MED12L: variants seen among roughly 807,000 people sequenced by gnomAD.
The protein encoded by MED12L is mediator of RNA polymerase II transcription subunit 12-like protein.
A neutral mutation model predicts 281.3 loss-of-function variants in MED12L; 60 were observed. The ratio of observed to expected loss-of-function variants is 0.21; its 90% CI spans 0.17 to 0.26. The LOEUF (loss-of-function observed/expected upper bound fraction) is 0.26. Among genes scored for constraint, MED12L ranks in the 10% least tolerant of loss-of-function variants. The probability of loss-of-function intolerance (pLI) is 1.00; values close to 1 mark genes in which losing one functional copy is unlikely to be tolerated. For missense variants in MED12L, 2,146 were observed against 2,680.9 expected, an observed-to-expected ratio of 0.80 and a Z score of 4.41; for synonymous variants, 974 against 987.2, an observed-to-expected ratio of 0.99 and a Z score of 0.25.
At chr3:151,151,610 A>G (rs1301414839) in intron 5 of MED12L, among the ~76,000 whole-genome samples, 2 of 148,746 alleles carry the variant, frequency 1.3e-5, no homozygotes, top group South Asian at 2.2e-4. Context: ...GAAGAGAGAT[A>G]TGGGACAGAG....
intron 43 of MED12L, among the ~76,000 whole-genome samples, chr3:151,425,166 A>ACT (rs1718737345): frequency 1.3e-5 from 2 of 152,362 alleles, no homozygotes; most frequent in African/African-American, 4.8e-5. Context: ...GAGCATCGGT[A>ACT]GGTCCATTAC....
At chr3:151,201,959 G>T (rs186761343) in intron 16 of MED12L, among the ~76,000 whole-genome samples, 4 of 152,188 alleles carry the variant, frequency 2.6e-5, no homozygotes, top group African/African-American at 9.7e-5. Context: ...TCAATGAGAC[G>T]TATATGGTAA....
At chr3:151,380,647 G>A (rs1293709600) in intron 32 of MED12L, among the ~76,000 whole-genome samples, 17 of 149,964 alleles carry the variant, frequency 1.1e-4, no homozygotes, top group Non-Finnish European at 2.5e-4. Context: ...GTTTTGAGTA[G>A]ACGCTGAGAA....
At chr3:151,118,648 C>CTTT (rs67417533) in intron 3 of MED12L, among the ~76,000 whole-genome samples, 12 of 137,452 alleles carry the variant, frequency 8.7e-5, no homozygotes, top group East Asian at 4.3e-4. Flanking sequence ...ATCTCCAGAA[C>CTTT]TTTTTTTTTT....
At chr3:151,346,530 G>A (rs138396570) in intron 16 of MED12L, among the ~76,000 whole-genome samples, 89 of 152,162 alleles carry the variant, frequency 5.8e-4, no homozygotes, top group African/African-American at 1.9e-3. Context: ...GTTCACACAT[G>A]GTTTGTCAGT....
intron 16 of MED12L, among the ~76,000 whole-genome samples, chr3:151,240,757 C>A (rs1733913143): frequency 6.6e-6 from 1 of 152,230 alleles, no homozygotes; most frequent in Non-Finnish European, 1.5e-5. Context: ...TGCACTCTTG[C>A]ATCTAACTTG....
At chr3:151,112,376 GT>G (rs1429708559) in intron 2 of MED12L, among the ~76,000 whole-genome samples, 2 of 151,662 alleles carry the variant, frequency 1.3e-5, no homozygotes, top group Non-Finnish European at 2.9e-5. Context: ...CACCTCTCGG[GT>G]TCAAGCAATT....
intron 16 of MED12L, chr3:151,294,987 C>G: frequency 1.2e-6 from 2 of 1,613,742 alleles, no homozygotes; most frequent in Non-Finnish European, 1.7e-6. Context: ...ATTATGAGGT[C>G]TGCAACCACT....
At chr3:151,384,664 A>G (rs1491974) in intron 35 of MED12L, 98,756 of 197,694 alleles carry the variant, frequency 0.5, 24,878 homozygotes, top group Middle Eastern at 0.58. Context: ...AATCTGATGC[A>G]TTACCAATCA....
At chr3:151,392,936 GTC>G (rs1249133505) in intron 38 of MED12L, among the ~76,000 whole-genome samples, 1 of 152,136 alleles carries the variant, frequency 6.6e-6, no homozygotes, top group Non-Finnish European at 1.5e-5. Flanking sequence ...CTGTAAATGA[GTC>G]TCTTTTTACA....
chr3:151,162,507 C>T (rs1171767705), intron 8 of MED12L, among the ~76,000 whole-genome samples: 1 of 152,006 alleles, frequency 6.6e-6, no homozygotes, highest in African/African-American at 2.4e-5. Context: ...GCCTGGAGCT[C>T]CTGGGCTCAA....
chr3:151,245,359 A>G (rs1349398457), intron 16 of MED12L, among the ~76,000 whole-genome samples: 1 of 137,520 alleles, frequency 7.3e-6, no homozygotes, highest in African/African-American at 2.8e-5. Context: ...ACATTGATGC[A>G]AAAATCCTCA....
At chr3:151,226,492 C>G (rs6809388) in intron 16 of MED12L, among the ~76,000 whole-genome samples, 33,274 of 152,088 alleles carry the variant, frequency 0.22, 3,934 homozygotes, top group African/African-American at 0.32. Flanking sequence ...CTGATTGATT[C>G]CAAGCCAGGG....
intron 16 of MED12L, chr3:151,338,125 T>C: frequency 6.2e-7 from 1 of 1,614,064 alleles, no homozygotes; most frequent in South Asian, 1.1e-5. Flanking sequence ...ACAGCAATGA[T>C]AATGAAAACT....
chr3:151,365,946 T>C lies in MED12L; in HGVS notation c.3282T>C (p.Ser1094=), dbSNP rs1254040928. The C allele has an allele frequency of 1.2e-6, 2 of 1,613,376 alleles. No individual in the cohort carries two copies. The highest frequency in any genetic ancestry group is 1.7e-6 in the Non-Finnish European group (2 of 1,179,484). ...WLGVLKALCC[S]SNHVWGFNDV... ...GGGTTCTGAAGGCTCTTTGTTGTTC[T>C]TCAAATCACGTGTGGGGGTTTAATG... The change falls in exon 23 of 45, where the codon TCT becomes TCC. Residue 1094 remains serine (S), a synonymous_variant. Transcript: ENST00000687756.
intron 5 of MED12L, among the ~76,000 whole-genome samples, chr3:151,145,159 A>G (rs1717598151): frequency 6.6e-6 from 1 of 152,160 alleles, no homozygotes; most frequent in Non-Finnish European, 1.5e-5. Context: ...TAAAACTCCA[A>G]AGCTGGTAAG....
Position 151,427,009 on chromosome 3 carries a change from C to T in MED12L, c.6409-3290C>T, listed in dbSNP as rs374091758. Among the ~76,000 whole-genome samples, 17 of 151,988 alleles carry T rather than the reference C, an allele frequency of 1.1e-4. No individual in the cohort carries two copies. In the East Asian group the frequency reaches 1.7e-3, roughly 16 times the overall value. ...TTTTAGTAATTTTTTGTAGAGATGG[C>T]GATTTGCCATGTTGCCCAGGCTGGT... On this transcript the variant is annotated intron_variant, in intron 43 of 44. Transcript: ENST00000687756.
chr3:151,268,898 T>C (rs181671754), intron 16 of MED12L, among the ~76,000 whole-genome samples: 2 of 152,242 alleles, frequency 1.3e-5, no homozygotes, highest in Admixed American at 6.5e-5. Context: ...GTATGCAAAA[T>C]TTTTTAGCCA....
rs538348388 is a variant in MED12L at position 151,294,993 on chromosome 3, C to A, written c.2251-55066C>A. On this transcript the variant is annotated intron_variant, in intron 16 of 44. Transcript: ENST00000687756. ...GTCAGCGTCATTATGAGGTCTGCAA[C>A]CACTATGTTTTTGAGATAGAATATG... The A allele has an allele frequency of 3.1e-6, 5 of 1,613,570 alleles. 1 individual carries two copies. In the South Asian group the frequency reaches 5.5e-5, roughly 18 times the overall value.
Sources: allele counts gnomAD v4.1 joint callset (sites outside exome capture counted in the v4.1 genomes callset), GRCh38; gene constraint gnomAD v4.1.1; transcripts MANE v1.5; gene names NCBI Gene and HGNC (gene_info 2026-07-23, HGNC 2026-07-21).